ADAMTS19: variants seen among roughly 807,000 people sequenced by gnomAD.
ADAMTS19 encodes A disintegrin and metalloproteinase with thrombospondin motifs 19.
ADAMTS19 carries 93 observed loss-of-function variants against 153.3 expected under a neutral mutation model. That is an observed-to-expected ratio of 0.61 (90% confidence interval 0.51 to 0.72). ADAMTS19 has a LOEUF of 0.72. ADAMTS19 is among the 30% of genes least tolerant of loss of function. ADAMTS19 has a pLI of 0.00. For missense variants in ADAMTS19, 1,482 were observed against 1,552.1 expected (o/e 0.95, Z 0.76); for synonymous variants, 600 against 556.6 (o/e 1.08, Z -1.10).
chr5:129,628,806 AG>A (rs950824477), intron 10 of ADAMTS19, among the ~76,000 whole-genome samples: 3 of 152,100 alleles, frequency 2.0e-5, no homozygotes, highest in Admixed American at 2.0e-4. Flanking sequence ...ATATACAGTA[AG>A]GTAACATGCT....
rs1411465258 is a variant in ADAMTS19, at chr5:129,559,247, G to C, written c.1372+7340G>C. Among the ~76,000 whole-genome samples, 3 of 152,012 alleles carry C rather than the reference G, an allele frequency of 2.0e-5. No homozygotes were observed. In the East Asian group the frequency reaches 5.8e-4, roughly 29 times the overall value. Reference sequence around the variant, plus strand: ...TATATTAATAGTATTTCCAATACATGTAACCAACAAAGTATTAGAACCCAG... The same window carrying C: ...TATATTAATAGTATTTCCAATACATCTAACCAACAAAGTATTAGAACCCAG... On this transcript the variant is annotated intron_variant, in intron 7 of 22. Transcript: ENST00000274487.
intron 8 of ADAMTS19, among the ~76,000 whole-genome samples, chr5:129,619,341 T>G (rs890815347): frequency 2.6e-5 from 4 of 152,056 alleles, no homozygotes; most frequent in African/African-American, 4.8e-5. Context: ...CATATTATAA[T>G]CATTTCTACC....
At chr5:129,513,383 C>CT (rs1489421111) in intron 3 of ADAMTS19, among the ~76,000 whole-genome samples, 1 of 151,802 alleles carries the variant, frequency 6.6e-6, no homozygotes, top group Non-Finnish European at 1.5e-5. Flanking sequence ...ATAGTCCTAG[C>CT]TACTTGGGAG....
chr5:129,549,625 T>C (rs892608715), intron 6 of ADAMTS19, among the ~76,000 whole-genome samples: 15 of 151,534 alleles, frequency 9.9e-5, no homozygotes, highest in Non-Finnish European at 2.1e-4. Flanking sequence ...TTAACAGTCT[T>C]TTGTCAGTAC....
intron 8 of ADAMTS19, among the ~76,000 whole-genome samples, chr5:129,612,136 A>T (rs1398037542): frequency 3.1e-5 from 3 of 97,190 alleles, no homozygotes; most frequent in Non-Finnish European, 6.0e-5. Flanking sequence ...CCCCCACCCC[A>T]TAACAGTCCC....
intron 18 of ADAMTS19, among the ~76,000 whole-genome samples, chr5:129,689,702 G>T (rs1755246545): frequency 6.6e-6 from 1 of 152,130 alleles, no homozygotes; most frequent in Non-Finnish European, 1.5e-5. Flanking sequence ...TGGGATTACA[G>T]GCATGAGCCA....
At position 129,650,207 on chromosome 5, in the gene ADAMTS19, G is replaced by A. The variant is rs540961795; in HGVS notation, c.2176+1237G>A. Among the ~76,000 whole-genome samples the A allele has an allele frequency of 4.6e-5, 7 of 152,292 alleles. No homozygotes were observed. The South Asian group carries it at 1.5e-3, about 32-fold the overall frequency. ...AAATGATAATACTTGCCCATGGTGA[G>A]TGGGCTGTGGGTGTGGGCTGAGTTG... On this transcript the variant is annotated intron_variant, in intron 13 of 22. Coordinates refer to ENST00000274487, the MANE Select transcript of ADAMTS19 (RefSeq NM_133638.6).
chr5:129,658,351 A>AAGAAAGAGAGAGAGAG (rs1554103338), intron 14 of ADAMTS19, among the ~76,000 whole-genome samples: 23 of 133,212 alleles, frequency 1.7e-4, no homozygotes, highest in Non-Finnish European at 3.2e-4. Context: ...GAAAGAAAGA[A>AAGAAAGAGAGAGAGAG]AGAAAGAAAG....
chr5:129,729,564 A>C (rs1052250399), intron 21 of ADAMTS19, among the ~76,000 whole-genome samples: 3 of 151,980 alleles, frequency 2.0e-5, no homozygotes, highest in Non-Finnish European at 2.9e-5. Context: ...TCTCAAGCAG[A>C]AAATTATACT....
At position 129,509,205 on chromosome 5, in the gene ADAMTS19, G is replaced by T. The variant is rs760646076; in HGVS notation, c.876G>T (p.Lys292Asn). 40 of 1,611,940 alleles carry T rather than the reference G, an allele frequency of 2.5e-5. No homozygotes were observed. In the East Asian group the frequency reaches 8.9e-4, roughly 36 times the overall value. Residue 292 changes from lysine to asparagine, a missense_variant, in exon 3 of 23, where the codon AAG (lysine) becomes AAT (asparagine). Lys to Asn is a moderately conservative substitution (Grantham distance 94). Around this residue, in one of 2 missense-constraint regions of ADAMTS19, gnomAD observed 866 missense variants for 827.7 expected, o/e 1.05. Transcript: ENST00000274487. ...CCATGGAGGAAAAGGTCACAGAGAAGTCAGCTCTTCACAGTCATTACTGTG... is the reference window on the plus strand; with the variant it reads ...CCATGGAGGAAAAGGTCACAGAGAATTCAGCTCTTCACAGTCATTACTGTG... ...KRSMEEKVTE[K>N]SALHSHYCGI...
At chr5:129,535,373 C>T (rs1206251803) in intron 6 of ADAMTS19, among the ~76,000 whole-genome samples, 1 of 152,052 alleles carries the variant, frequency 6.6e-6, no homozygotes, top group Non-Finnish European at 1.5e-5. Context: ...AGGACCTCTT[C>T]AAGGAGAACT....
chr5:129,572,143 T>C (rs1437215150), intron 7 of ADAMTS19, among the ~76,000 whole-genome samples: 1 of 151,892 alleles, frequency 6.6e-6, no homozygotes, highest in African/African-American at 2.4e-5. Flanking sequence ...AAACTGGATT[T>C]CATCAATATT....
At chr5:129,498,295 T>C (rs1249114825) in intron 2 of ADAMTS19, among the ~76,000 whole-genome samples, 1 of 152,110 alleles carries the variant, frequency 6.6e-6, no homozygotes, top group Non-Finnish European at 1.5e-5. Flanking sequence ...TTTACAAAGC[T>C]AATGCTTACT....
At chr5:129,583,822 CA>C (rs1749646804) in intron 7 of ADAMTS19, among the ~76,000 whole-genome samples, 1 of 151,912 alleles carries the variant, frequency 6.6e-6, no homozygotes, top group South Asian at 2.1e-4. Context: ...TAACCATTTC[CA>C]AGGTTCTTAG....
At chr5:129,539,741 A>C (rs2126795756) in intron 6 of ADAMTS19, among the ~76,000 whole-genome samples, 1 of 152,230 alleles carries the variant, frequency 6.6e-6, no homozygotes, top group African/African-American at 2.4e-5. Context: ...GTGCTGTAAT[A>C]GTATTTATTT....
chr5:129,461,786 T>C lies in ADAMTS19; in HGVS notation c.747+29T>C. On this transcript the variant is annotated intron_variant, in intron 2 of 22. Coordinates refer to ENST00000274487, the MANE Select transcript of ADAMTS19 (RefSeq NM_133638.6). This position sits in a 1 kb window ranked among gnomAD's most constrained non-coding sequence, Gnocchi z 4.6. ...AGCGCCTTCTTTCCCTAGCTCTCCA[T>C]TTTCCCCTGCTGCTCCTCTCCTTGC... 1 of 1,473,760 alleles carries C rather than the reference T, an allele frequency of 6.8e-7. No homozygotes were observed. Among genetic ancestry groups the C allele is most frequent in the Non-Finnish European group, 8.9e-7 (1 of 1,121,418 alleles). 91.3% of individuals were successfully genotyped at this position (1,473,760 alleles called of 1,614,324 possible).
At chr5:129,518,103 C>T (rs1488291964) in intron 3 of ADAMTS19, among the ~76,000 whole-genome samples, 2 of 152,030 alleles carry the variant, frequency 1.3e-5, no homozygotes, top group African/African-American at 4.8e-5. Context: ...ACTTTGTACC[C>T]CAACTTTTTA....
chr5:129,637,593 C>T (rs1752588180), intron 10 of ADAMTS19, among the ~76,000 whole-genome samples: 1 of 152,018 alleles, frequency 6.6e-6, no homozygotes, highest in Non-Finnish European at 1.5e-5. Flanking sequence ...ACCTATAATC[C>T]CAGCACTTTA....
At chr5:129,626,785 T>C (rs1329988976) in intron 10 of ADAMTS19, among the ~76,000 whole-genome samples, 3 of 152,156 alleles carry the variant, frequency 2.0e-5, no homozygotes, top group Non-Finnish European at 4.4e-5. Context: ...ACTTACATTT[T>C]AGTTGGAGGA....
Sources: allele counts gnomAD v4.1 joint callset (sites outside exome capture counted in the v4.1 genomes callset), GRCh38; gene constraint gnomAD v4.1.1; regional missense constraint gnomAD v4.1.1; non-coding constraint Gnocchi (gnomAD v3.1); transcripts MANE v1.5; gene names NCBI Gene and HGNC (gene_info 2026-07-23, HGNC 2026-07-21).